Variants in NKAIN3 observed in about 807,000 individuals in gnomAD.
NKAIN3 encodes the protein sodium/potassium transporting ATPase interacting 3.
In NKAIN3, 25 loss-of-function variants were observed where a neutral mutation model predicts 30.2. That is an observed-to-expected ratio of 0.83 (90% CI 0.60 to 1.16). The LOEUF (loss-of-function observed/expected upper bound fraction) is 1.16. Among genes scored for constraint, NKAIN3 ranks in the 50% most tolerant of loss-of-function variants. NKAIN3 has a pLI of 0.00. For missense variants in NKAIN3, 225 were observed against 254.1 expected, an observed-to-expected ratio of 0.89 and a Z score of 0.78; for synonymous variants, 91 against 89.6, an observed-to-expected ratio of 1.02 and a Z score of -0.09.
chr8:62,778,720 A>G (rs1220822312), intron 4 of NKAIN3, among the ~76,000 whole-genome samples: 3 of 151,990 alleles, frequency 2.0e-5, no homozygotes, highest in African/African-American at 7.2e-5. Context: ...CCGAGCTGGT[A>G]TCTAAGCTAC....
chr8:62,963,867 T>A (rs1164419194), intron 6 of NKAIN3, among the ~76,000 whole-genome samples: 3 of 152,136 alleles, frequency 2.0e-5, no homozygotes, highest in African/African-American at 7.2e-5. Context: ...GTCGTTTTCT[T>A]CATGCTGTAC....
chr8:62,299,013 CATGAATAA>C (rs919385673), intron 1 of NKAIN3, among the ~76,000 whole-genome samples: 5 of 151,898 alleles, frequency 3.3e-5, no homozygotes, highest in African/African-American at 9.6e-5. Flanking sequence ...ATATTTGCTG[CATGAATAA>C]ATGAATAAAT....
Position 62,321,626 on chromosome 8 carries a change from G to A in NKAIN3, c.54+72499G>A, listed in dbSNP as rs553040521. Among the ~76,000 whole-genome samples, 416 of 152,340 alleles carry A rather than the reference G, an allele frequency of 2.7e-3. 1 individual carries two copies. The highest frequency in any genetic ancestry group is 9.2e-3 in the African/African-American group (382 of 41,564). On this transcript the variant is annotated intron_variant, in intron 1 of 6. Coordinates refer to ENST00000623646, the MANE Select transcript of NKAIN3 (RefSeq NM_001304533.3). ...CCCTGTTTGCCTGGGTATCAGCAGC[G>A]GAGGCTGCAGAACAGCAGATATTGG...
chr8:62,691,480 AAGT>A (rs1191883778), intron 3 of NKAIN3, among the ~76,000 whole-genome samples: 4 of 152,182 alleles, frequency 2.6e-5, no homozygotes, highest in Non-Finnish European at 4.4e-5. Context: ...GAATATTTTC[AAGT>A]AGATTTCCAG....
intron 4 of NKAIN3, chr8:62,863,808 C>CA (rs2130791308): frequency 1.2e-6 from 2 of 1,611,396 alleles, no homozygotes; most frequent in Admixed American, 3.3e-5. Flanking sequence ...TTTCTAATAA[C>CA]ATGATACCGG....
chr8:62,868,514 C>T (rs11996599), intron 4 of NKAIN3, among the ~76,000 whole-genome samples: 5 of 152,138 alleles, frequency 3.3e-5, no homozygotes, highest in Admixed American at 6.5e-5. Flanking sequence ...GATTAACCCT[C>T]GACCTGGTTC....
intron 4 of NKAIN3, among the ~76,000 whole-genome samples, chr8:62,805,181 G>T (rs1191431461): frequency 6.6e-6 from 1 of 151,898 alleles, no homozygotes; most frequent in African/African-American, 2.4e-5. Context: ...AACATTCCAT[G>T]CTCATGGGTA....
intron 1 of NKAIN3, among the ~76,000 whole-genome samples, chr8:62,321,582 G>T (rs1814912562): frequency 6.6e-6 from 1 of 152,224 alleles, no homozygotes; most frequent in African/African-American, 2.4e-5. Flanking sequence ...GTTGGATTTT[G>T]CTGGAAGTCC....
At chr8:62,939,696 A>G (rs1822894958) in intron 5 of NKAIN3, among the ~76,000 whole-genome samples, 1 of 152,202 alleles carries the variant, frequency 6.6e-6, no homozygotes, top group African/African-American at 2.4e-5. Flanking sequence ...TTTCAGACAA[A>G]AAAATGCTGA....
intron 5 of NKAIN3, among the ~76,000 whole-genome samples, chr8:62,935,565 C>T (rs188705156): frequency 2.6e-4 from 39 of 152,060 alleles, no homozygotes; most frequent in South Asian, 2.1e-3. Context: ...AAATGCATTC[C>T]AAAATGCAGT....
intron 4 of NKAIN3, among the ~76,000 whole-genome samples, chr8:62,892,432 A>C (rs1821321484): frequency 6.6e-6 from 1 of 152,214 alleles, no homozygotes; most frequent in African/African-American, 2.4e-5. Flanking sequence ...TGATGTGAGA[A>C]AATGTTTCTG....
In NKAIN3 at chr8:62,861,538, G is replaced by A. The variant is rs183234393; in HGVS notation, c.472-56915G>A. Among the ~76,000 whole-genome samples, 856 of 152,236 alleles carry A rather than the reference G, an allele frequency of 5.6e-3. 3 individuals carry two copies. The highest frequency in any genetic ancestry group is 9.4e-3 in the Non-Finnish European group (636 of 68,010). On this transcript the variant is annotated intron_variant, in intron 4 of 6. Transcript: ENST00000623646. ...ACTTCCAGCAGCCTCCCTTAGGTAG[G>A]AAAACACTGGAGTACAAAAGAAAAC...
chr8:62,913,691 T>C (rs1261826096), intron 4 of NKAIN3, among the ~76,000 whole-genome samples: 1 of 152,192 alleles, frequency 6.6e-6, no homozygotes, highest in African/African-American at 2.4e-5. Context: ...AAACTAATTA[T>C]GGACACAAAT....
chr8:62,534,222 G>A (rs1408609675), intron 1 of NKAIN3, among the ~76,000 whole-genome samples: 2 of 152,088 alleles, frequency 1.3e-5, no homozygotes, highest in African/African-American at 4.8e-5. Flanking sequence ...CAGGAAGCCC[G>A]GGTCTGAGTT....
chr8:62,501,329 C>T (rs2129680844), intron 1 of NKAIN3, among the ~76,000 whole-genome samples: 1 of 152,266 alleles, frequency 6.6e-6, no homozygotes, highest in South Asian at 2.1e-4. Context: ...TCTGTCTCCT[C>T]TCTTTTTTAA....
chr8:62,680,918 G>T (rs1238838129), intron 3 of NKAIN3, among the ~76,000 whole-genome samples: 1 of 152,172 alleles, frequency 6.6e-6, no homozygotes, highest in Non-Finnish European at 1.5e-5. Flanking sequence ...ATTGTTTTTA[G>T]TGAATCGAGC....
At chr8:62,352,821 C>G (rs1039302182) in intron 1 of NKAIN3, among the ~76,000 whole-genome samples, 1 of 152,160 alleles carries the variant, frequency 6.6e-6, no homozygotes, top group Non-Finnish European at 1.5e-5. Context: ...GACCATTCAT[C>G]TTTGTGGAAC....
chr8:62,661,010 A>T (rs1004795467), intron 3 of NKAIN3, among the ~76,000 whole-genome samples: 1 of 152,250 alleles, frequency 6.6e-6, no homozygotes, highest in African/African-American at 2.4e-5. Context: ...ATACACATGA[A>T]GTATTTTTAC....
chr8:62,625,867 G>C (rs1300527454), intron 3 of NKAIN3, among the ~76,000 whole-genome samples: 2 of 151,996 alleles, frequency 1.3e-5, no homozygotes, highest in Non-Finnish European at 2.9e-5. Flanking sequence ...GAGCAGGAAA[G>C]ACAAATAATT....
Sources: allele counts gnomAD v4.1 joint callset (sites outside exome capture counted in the v4.1 genomes callset), GRCh38; gene constraint gnomAD v4.1.1; transcripts MANE v1.5; gene names NCBI Gene and HGNC (gene_info 2026-07-23, HGNC 2026-07-21).